Variants in FBXL13 observed in about 807,000 individuals in gnomAD.
FBXL13 encodes F-box and leucine rich repeat protein 13.
Under a neutral mutation model 83.6 loss-of-function variants are expected in FBXL13, and 67 were observed. The ratio of observed to expected loss-of-function variants is 0.80; its 90% CI spans 0.66 to 0.98. The LOEUF is 0.98. FBXL13 is among the 50% of genes least tolerant of loss of function. FBXL13 has a pLI of 0.00. For synonymous variants in FBXL13, 272 were observed against 299.5 expected (o/e 0.91, Z 0.95); for missense variants, 822 against 866.5 (o/e 0.95, Z 0.64).
intron 8 of FBXL13, among the ~76,000 whole-genome samples, chr7:102,935,243 T>C (rs1820077301): frequency 1.8e-4 from 1 of 5,642 alleles, no homozygotes; most frequent in Non-Finnish European, 5.0e-4. Flanking sequence ...TTTTTCTTTC[T>C]TTTTTTTTTT....
At chr7:102,923,207 C>T (rs1026211206) in intron 10 of FBXL13, among the ~76,000 whole-genome samples, 5 of 152,126 alleles carry the variant, frequency 3.3e-5, no homozygotes, top group South Asian at 4.1e-4. Context: ...TTCACAATGT[C>T]GTGGCTACAG....
intron 10 of FBXL13, among the ~76,000 whole-genome samples, chr7:102,920,799 T>G (rs1188785218): frequency 6.6e-6 from 1 of 152,040 alleles, no homozygotes; most frequent in Non-Finnish European, 1.5e-5. Context: ...TACAGAGAAA[T>G]GTAGTTATTC....
rs550268817 is a variant in FBXL13 at position 103,064,367 on chromosome 7, C to T, written c.-104-8620G>A. Among the ~76,000 whole-genome samples the T allele has an allele frequency of 1.4e-4, 22 of 152,110 alleles. No homozygotes were observed. The South Asian group carries it at 4.6e-3, about 32-fold the overall frequency. On this transcript the variant is annotated intron_variant, in intron 1 of 19. Transcript: ENST00000313221. ...ATGGGCTAGGTGAGGGAAGAGACAG[C>T]GTATAGAATAAGAATGTAGGAAATA... is the stretch of plus-strand genomic sequence containing the variant.
At chr7:102,955,842 G>C (rs1585119393) in intron 8 of FBXL13, among the ~76,000 whole-genome samples, 1 of 152,036 alleles carries the variant, frequency 6.6e-6, no homozygotes, top group South Asian at 2.1e-4. Flanking sequence ...GGAAGAAGTT[G>C]AATCTCTGAA....
chr7:102,927,681 G>A (rs1277127211), intron 9 of FBXL13, among the ~76,000 whole-genome samples: 2 of 152,182 alleles, frequency 1.3e-5, no homozygotes, highest in African/African-American at 4.8e-5. Context: ...CATGCTGCAT[G>A]AGAGGCCAGT....
chr7:102,948,081 T>G (rs77371499), intron 8 of FBXL13, among the ~76,000 whole-genome samples: 2 of 150,544 alleles, frequency 1.3e-5, no homozygotes, highest in South Asian at 4.2e-4. Flanking sequence ...TTTTTTTTTT[T>G]GAGTTGGAGT....
intron 1 of FBXL13, among the ~76,000 whole-genome samples, chr7:103,068,173 G>A (rs1030917764): frequency 5.9e-5 from 9 of 152,146 alleles, no homozygotes; most frequent in Admixed American, 6.5e-5. Context: ...TGAATACTGC[G>A]GGCACAAGAA....
At chr7:103,054,897 T>G (rs545381651) in intron 2 of FBXL13, among the ~76,000 whole-genome samples, 191 bp downstream of exon 3, 2 of 152,150 alleles carry the variant, frequency 1.3e-5, no homozygotes, top group East Asian at 3.9e-4. Context: ...TTTCTGGAAA[T>G]TTGGGAAGGT....
intron 16 of FBXL13, chr7:102,874,406 C>A (rs146676720): frequency 1.0e-6 from 1 of 975,334 alleles, no homozygotes; most frequent in African/African-American, 1.8e-5. Flanking sequence ...AGGAAGAAAA[C>A]AACAGAAGAC....
At chr7:103,066,355 A>G (rs902060297) in intron 1 of FBXL13, among the ~76,000 whole-genome samples, 3 of 152,114 alleles carry the variant, frequency 2.0e-5, no homozygotes, top group Non-Finnish European at 4.4e-5. Context: ...ATCTTGTCCT[A>G]AGAAACCTTA....
chr7:103,061,760 A>C (rs1008003210), intron 1 of FBXL13, among the ~76,000 whole-genome samples: 1 of 152,054 alleles, frequency 6.6e-6, no homozygotes, highest in Non-Finnish European at 1.5e-5. Flanking sequence ...AACACGGTGA[A>C]ACCCCGTCTC....
At chr7:102,879,647 T>C (rs192917926) in intron 14 of FBXL13, among the ~76,000 whole-genome samples, 2 of 152,318 alleles carry the variant, frequency 1.3e-5, no homozygotes, top group Middle Eastern at 3.4e-3. Context: ...GTTTCATCCC[T>C]AAAGATTCAG....
intron 18 of FBXL13, among the ~76,000 whole-genome samples, chr7:102,826,724 C>CTCATATATATATAT (rs1465698757): frequency 1.6e-5 from 1 of 62,712 alleles, no homozygotes; most frequent in African/African-American, 4.6e-5. Flanking sequence ...GACCCTGTCT[C>CTCATATATATATAT]ATATATATAT....
At chr7:102,899,631 A>G (rs889656177) in intron 11 of FBXL13, among the ~76,000 whole-genome samples, 3 of 152,196 alleles carry the variant, frequency 2.0e-5, no homozygotes, top group African/African-American at 7.2e-5. Context: ...TTAACCCCTG[A>G]AGATGGAATT....
exon 17 of FBXL13, chr7:102,854,814 A>G: frequency 6.3e-7 from 1 of 1,592,690 alleles, no homozygotes; most frequent in Non-Finnish European, 8.6e-7. Flanking sequence ...ACATTCAGAT[A>G]CAGAAAGTTC....
At chr7:102,908,980 CA>C (rs772621968) in intron 11 of FBXL13, among the ~76,000 whole-genome samples, 15 of 152,228 alleles carry the variant, frequency 9.9e-5, no homozygotes, top group Non-Finnish European at 1.9e-4. Flanking sequence ...TCCTCCTCTT[CA>C]GGGTGGTGAG....
chr7:102,901,547 T>C (rs906896405), intron 11 of FBXL13, among the ~76,000 whole-genome samples: 1 of 152,188 alleles, frequency 6.6e-6, no homozygotes, highest in African/African-American at 2.4e-5. Flanking sequence ...CACCTCAACC[T>C]CAAAGCCCCA....
intron 11 of FBXL13, among the ~76,000 whole-genome samples, chr7:102,905,543 T>C (rs995336258): frequency 5.3e-5 from 8 of 152,142 alleles, no homozygotes; most frequent in African/African-American, 1.9e-4. Flanking sequence ...GAGATCAATG[T>C]ATCTTGTTTT....
chr7:103,007,285 G>C (rs1016994087), intron 6 of FBXL13, among the ~76,000 whole-genome samples: 2 of 151,596 alleles, frequency 1.3e-5, no homozygotes, highest in African/African-American at 4.9e-5. Context: ...TCACATAAAG[G>C]CACATCATAA....
Sources: gnomAD v4.1 joint callset for allele counts (sites outside exome capture counted in the v4.1 genomes callset) on GRCh38, gnomAD v4.1.1 for gene constraint, MANE v1.5 for transcripts, NCBI Gene and HGNC (gene_info 2026-07-23, HGNC 2026-07-21) for gene names.